The following KCNQ3 variants were observed in gnomAD, a reference collection of about 807,000 sequenced individuals.
KCNQ3 encodes potassium voltage-gated channel subfamily KQT member 3.
KCNQ3 carries 30 observed loss-of-function variants against 92.5 expected under a neutral mutation model. The ratio of observed to expected loss-of-function variants is 0.32; its 90% CI spans 0.24 to 0.44. KCNQ3 has a LOEUF of 0.44. Ranked by LOEUF, KCNQ3 falls within the 20% of genes least tolerant of loss-of-function variation. The pLI is 1.00. For missense variants in KCNQ3, 913 were observed against 1,140.3 expected (o/e 0.80, Z 2.87); for synonymous variants, 450 against 468.8 (o/e 0.96, Z 0.52).
At chr8:132,451,427 C>A in intron 1 of KCNQ3, among the ~76,000 whole-genome samples, 1 of 152,248 alleles carries the variant, frequency 6.6e-6, no homozygotes, top group Non-Finnish European at 1.5e-5. Flanking sequence ...GCACCATCCA[C>A]CACGGGCAGA....
At chr8:132,337,366 G>A (rs1429422382) in intron 1 of KCNQ3, among the ~76,000 whole-genome samples, 1 of 152,138 alleles carries the variant, frequency 6.6e-6, no homozygotes, top group Non-Finnish European at 1.5e-5. Flanking sequence ...GCATGGTGGT[G>A]TGTGCCTGTA....
At chr8:132,323,708 T>C (rs760689542) in intron 1 of KCNQ3, among the ~76,000 whole-genome samples, 4 of 152,184 alleles carry the variant, frequency 2.6e-5, no homozygotes, top group African/African-American at 4.8e-5. Context: ...ATCTGTCACC[T>C]TTTTTCATAG....
chr8:132,243,030 T>A (rs1815044328), intron 1 of KCNQ3, among the ~76,000 whole-genome samples: 1 of 152,156 alleles, frequency 6.6e-6, no homozygotes, highest in African/African-American at 2.4e-5. Context: ...TGAGGAGGAA[T>A]AAGACAATAA....
chr8:132,466,371 T>A (rs1200028036), intron 1 of KCNQ3, among the ~76,000 whole-genome samples: 1 of 151,794 alleles, frequency 6.6e-6, no homozygotes, highest in Non-Finnish European at 1.5e-5. Context: ...CGACTACCAG[T>A]TGTCATTGGC....
chr8:132,301,524 C>T (rs1336076068), intron 1 of KCNQ3, among the ~76,000 whole-genome samples: 1 of 152,110 alleles, frequency 6.6e-6, no homozygotes, highest in African/African-American at 2.4e-5. Flanking sequence ...CATAATTAAA[C>T]AACTAATTAA....
intron 1 of KCNQ3, among the ~76,000 whole-genome samples, chr8:132,277,223 A>C (rs1266320191): frequency 1.3e-5 from 2 of 152,206 alleles, no homozygotes; most frequent in Admixed American, 1.3e-4. Context: ...ACAAAACAAA[A>C]ACTGGGATTC....
At chr8:132,374,003 G>T (rs1350361843) in intron 1 of KCNQ3, among the ~76,000 whole-genome samples, 5 of 152,100 alleles carry the variant, frequency 3.3e-5, no homozygotes, top group Non-Finnish European at 7.4e-5. Context: ...GTTCTCCCGG[G>T]TGCCATCAGA....
chr8:132,460,426 C>A (rs1158550209), intron 1 of KCNQ3, among the ~76,000 whole-genome samples: 1 of 152,160 alleles, frequency 6.6e-6, no homozygotes, highest in Non-Finnish European at 1.5e-5. Context: ...ATTTACTTTT[C>A]TGTAAACTCT....
intron 4 of KCNQ3, among the ~76,000 whole-genome samples, chr8:132,177,587 G>A (rs1826606922): frequency 6.6e-6 from 1 of 152,220 alleles, no homozygotes; most frequent in Admixed American, 6.5e-5. Flanking sequence ...TAAGCCAGAA[G>A]ACGTCTAGGT....
At chr8:132,195,925 G>C (rs1260376033) in intron 1 of KCNQ3, among the ~76,000 whole-genome samples, 1 of 152,064 alleles carries the variant, frequency 6.6e-6, no homozygotes, top group African/African-American at 2.4e-5. Flanking sequence ...ACCCAAAAGA[G>C]TACATTATCT....
At chr8:132,231,437 T>G (rs570011730) in intron 1 of KCNQ3, among the ~76,000 whole-genome samples, 2 of 152,342 alleles carry the variant, frequency 1.3e-5, no homozygotes, top group East Asian at 3.9e-4. Context: ...GAATCCTCAA[T>G]GTGACTGGAT....
At chr8:132,326,329 G>A (rs543176835) in intron 1 of KCNQ3, among the ~76,000 whole-genome samples, 1 of 152,172 alleles carries the variant, frequency 6.6e-6, no homozygotes, top group Non-Finnish European at 1.5e-5. Context: ...ATAGCAGGTG[G>A]AGATTCTGAC....
At chr8:132,270,094 A>G (rs16904643) in intron 1 of KCNQ3, among the ~76,000 whole-genome samples, 14,189 of 151,708 alleles carry the variant, frequency 0.094, 828 homozygotes, top group South Asian at 0.16. Flanking sequence ...AAACACCTGC[A>G]GCTTCCCTAG....
In KCNQ3 at chr8:132,480,607, C is replaced by T. The variant is rs572087043; in HGVS notation, c.-75G>A. 2 of 1,213,228 alleles carry T rather than the reference C, an allele frequency of 1.6e-6. No homozygotes were observed. The highest frequency in any genetic ancestry group is 2.7e-5 in the Admixed American group (1 of 37,614). 75.2% of individuals were successfully genotyped at this position (1,213,228 alleles called of 1,614,324 possible). On this transcript the variant is annotated 5_prime_UTR_variant, in exon 1 of 15. Coordinates refer to ENST00000388996, the MANE Select transcript of KCNQ3 (RefSeq NM_004519.4). ...AGAAGGGGCGCTCGGGGTGCGTGAA[C>T]GAGGCGGCGGCGGCGGCTGCAAGCC...
At position 132,124,340 on chromosome 8, in the gene KCNQ3, T is replaced by C. The variant is rs1824594841; in HGVS notation, c.*4922A>G. On this transcript the variant is annotated 3_prime_UTR_variant, in exon 15 of 15. Coordinates refer to ENST00000388996, the MANE Select transcript of KCNQ3 (RefSeq NM_004519.4). ...CCAAAGACTGAGACAATGAAGTCCA[T>C]GCATACTGTAAAAAAATAACATAAA... The C allele has an allele frequency of 6.6e-6, 1 of 152,352 alleles. No homozygotes were observed. Among genetic ancestry groups the C allele is most frequent in the Non-Finnish European group, 1.5e-5 (1 of 68,044 alleles). The allele number at this position is 152,352 out of a possible 1,614,324, so 9.4% of individuals were successfully genotyped here. A position where few individuals can be genotyped will look rare whatever the true frequency, so the allele number is the denominator to read the frequency against.
chr8:132,362,214 GA>G (rs756038026), intron 1 of KCNQ3, among the ~76,000 whole-genome samples: 1 of 151,452 alleles, frequency 6.6e-6, no homozygotes, highest in Non-Finnish European at 1.5e-5. Flanking sequence ...TTTCATCCTG[GA>G]AAAAATAAAC....
At chr8:132,456,669 G>A (rs1821949347) in intron 1 of KCNQ3, among the ~76,000 whole-genome samples, 1 of 151,370 alleles carries the variant, frequency 6.6e-6, no homozygotes, top group Non-Finnish European at 1.5e-5. Context: ...GTGCAGTGGT[G>A]CGATCTTGGC....
chr8:132,255,110 C>T (rs561850199), intron 1 of KCNQ3, among the ~76,000 whole-genome samples: 1 of 151,918 alleles, frequency 6.6e-6, no homozygotes, highest in East Asian at 1.9e-4. Flanking sequence ...TCCAATGCCC[C>T]CTCCCCCCCA....
chr8:132,378,570 T>C (rs998194933), intron 1 of KCNQ3, among the ~76,000 whole-genome samples: 1 of 152,248 alleles, frequency 6.6e-6, no homozygotes, highest in African/African-American at 2.4e-5. Flanking sequence ...CTAAGACAGA[T>C]ACTCTTGCCT....
Sources: gnomAD v4.1 joint callset for allele counts (sites outside exome capture counted in the v4.1 genomes callset) on GRCh38, gnomAD v4.1.1 for gene constraint, MANE v1.5 for transcripts, NCBI Gene and HGNC (gene_info 2026-07-23, HGNC 2026-07-21) for gene names.